Variants in TNPO2 observed in about 807,000 individuals in gnomAD.
TNPO2 encodes the protein transportin-2.
Under a neutral mutation model 111.1 loss-of-function variants are expected in TNPO2, and 16 were observed. The observed-to-expected ratio is 0.14, with a 90% CI of 0.10 to 0.22. The LOEUF (loss-of-function observed/expected upper bound fraction) is 0.22, where lower values mean the gene tolerates loss of function less well. Among genes scored for constraint, TNPO2 ranks in the 10% least tolerant of loss-of-function variants. The pLI, the probability that TNPO2 is intolerant of heterozygous loss-of-function variation, is 1.00. For missense variants in TNPO2, 530 were observed against 1,173.7 expected (o/e 0.45, Z 8.01); for synonymous variants, 481 against 475.8 (o/e 1.01, Z -0.14).
chr19:12,722,594 GAAAA>G (rs963967398), intron 2 of TNPO2: 3 of 117,404 alleles, frequency 2.6e-5, no homozygotes, highest in African/African-American at 9.4e-5. Flanking sequence ...AAGAAAGAAA[GAAAA>G]AAAAAAAAGA....
At position 12,706,703 on chromosome 19, in the gene TNPO2, C is replaced by T. The variant is rs1158223192; in HGVS notation, c.1363G>A (p.Ala455Thr). The T allele has an allele frequency of 5.6e-6, 9 of 1,613,686 alleles. No homozygotes were observed. The highest frequency in any genetic ancestry group is 7.6e-6 in the Non-Finnish European group (9 of 1,179,848). Residue 455 changes from alanine (A) to threonine (T), a missense_variant, in exon 14 of 26, where the codon GCC (alanine) becomes ACC (threonine). Ala to Thr is a moderately conservative substitution (Grantham distance 58, BLOSUM62 0). This residue lies in a region of TNPO2 where 183 missense variants were observed against 481.0 expected (regional missense o/e 0.38). Transcript: ENST00000425528. The surrounding 1 kb of genome is among the most constrained non-coding windows in gnomAD (Gnocchi z 7.0). ...GCATAGCGGCTCAGCGTCCAGCAGG[C>T]GATGGAGCGGACCAAGGCCTTCTTA... The part of the protein sequence containing the change: ...SDKKALVRSI[A>T]CWTLSRYAHW...
In TNPO2 at chr19:12,715,440, G is replaced by A; in HGVS notation, c.531C>T (p.Phe177=). The A allele has an allele frequency of 6.2e-7, 1 of 1,613,904 alleles. No homozygotes were observed. Among genetic ancestry groups the A allele is most frequent in the Non-Finnish European group, 8.5e-7 (1 of 1,179,864 alleles). The change falls in exon 7 of 26, where the codon TTC becomes TTT. Residue 177 remains phenylalanine, a synonymous_variant. Coordinates refer to ENST00000425528, the MANE Select transcript of TNPO2 (RefSeq NM_001382241.1). This position sits in a 1 kb window ranked among gnomAD's most constrained non-coding sequence, Gnocchi z 7.1. ...NRPLNIMIPK[F]LQFFKHCSPK... is the part of the protein sequence containing the mutation. ...GACTGCAGTGCTTGAAGAACTGCAG[G>A]AACTTGGGGATCATGATGTTGAGGG...
At chr19:12,708,163 C>T (rs1214941850) in intron 13 of TNPO2, among the ~76,000 whole-genome samples, 1 of 151,558 alleles carries the variant, frequency 6.6e-6, no homozygotes, top group African/African-American at 2.4e-5. Context: ...GACAGAGTCT[C>T]GCTCTGTCCC....
At chr19:12,722,758 C>T (rs550345841) in intron 2 of TNPO2, among the ~76,000 whole-genome samples, 1 of 152,004 alleles carries the variant, frequency 6.6e-6, no homozygotes, top group African/African-American at 2.4e-5. Flanking sequence ...CAAAGAGTTG[C>T]CGTTTCTTTG....
intron 13 of TNPO2, among the ~76,000 whole-genome samples, chr19:12,708,080 C>T (rs2025807715): frequency 1.3e-5 from 2 of 152,220 alleles, no homozygotes; most frequent in Admixed American, 6.5e-5. Flanking sequence ...CCTCGGCCTC[C>T]CAAAGTGCTG....
chr19:12,720,801 C>G, intron 3 of TNPO2, 78 bp downstream of exon 3: 88 of 1,461,782 alleles, frequency 6.0e-5, no homozygotes, highest in Non-Finnish European at 7.2e-5. Context: ...GGAGTCAGTC[C>G]CTCTCTTTCT....
intron 3 of TNPO2, among the ~76,000 whole-genome samples, chr19:12,720,522 T>C (rs1033236196): frequency 1.3e-5 from 2 of 152,104 alleles, no homozygotes; most frequent in Non-Finnish European, 2.9e-5. Flanking sequence ...GGTCTCCCTA[T>C]GTTGCCCAGG....
At chr19:12,708,950 G>T (rs1432329786) in intron 13 of TNPO2, among the ~76,000 whole-genome samples, 1 of 150,646 alleles carries the variant, frequency 6.6e-6, no homozygotes, top group African/African-American at 2.4e-5. Flanking sequence ...CAGGAGAATT[G>T]CTTGAACCCG....
At position 12,701,694 on chromosome 19, in the gene TNPO2, G is replaced by A. The variant is rs1161851165; in HGVS notation, c.2512-22C>T. The A allele has an allele frequency of 3.7e-6, 6 of 1,613,724 alleles. No homozygotes were observed. The highest frequency in any genetic ancestry group is 1.7e-5 in the Admixed American group (1 of 60,018). ...AGTCCTGAAACGTGACGGATCCCAG[G>A]TGAGGGGCCGCCCGAGCCCAGCGCC... On this transcript the variant is annotated intron_variant, in intron 23 of 25. Transcript: ENST00000425528. This position sits in a 1 kb window ranked among gnomAD's most constrained non-coding sequence, Gnocchi z 5.0.
chr19:12,705,838 C>T lies in TNPO2; in HGVS notation c.1669-70G>A. 1 of 1,175,594 alleles carries T rather than the reference C, an allele frequency of 8.5e-7. No homozygotes were observed. The allele number at this position is 1,175,594 out of a possible 1,614,324, so 72.8% of individuals were successfully genotyped here. The stretch of plus-strand genomic sequence containing the variant: ...AGACTGTGACTCAGGTACCTGTTGC[C>T]CGAGTGATGAGGCCTGAGCGCCTCA... On this transcript the variant is annotated intron_variant, in intron 15 of 25. Coordinates refer to ENST00000425528, the MANE Select transcript of TNPO2 (RefSeq NM_001382241.1). The surrounding 1 kb of genome is among the most constrained non-coding windows in gnomAD (Gnocchi z 7.2).
chr19:12,707,029 C>T (rs1331118789), intron 13 of TNPO2, among the ~76,000 whole-genome samples: 5 of 152,156 alleles, frequency 3.3e-5, no homozygotes, highest in East Asian at 3.9e-4. Flanking sequence ...GGCAGAGTCT[C>T]GCTCTGTCGC....
intron 18 of TNPO2, among the ~76,000 whole-genome samples, chr19:12,704,871 C>T (rs895679631): frequency 1.3e-5 from 2 of 152,120 alleles, no homozygotes; most frequent in Middle Eastern, 3.4e-3. Context: ...TTCGTAGAGA[C>T]AGGATTTCAC....
Position 12,705,518 on chromosome 19 carries a change from C to G in TNPO2, c.1837G>C (p.Val613Leu). The change falls in exon 17 of 26, where the codon GTG becomes CTG. Residue 613 changes from valine to leucine, a missense_variant. By Grantham distance (32) the Val-to-Leu change is conservative (BLOSUM62 1). Coordinates refer to ENST00000425528, the MANE Select transcript of TNPO2 (RefSeq NM_001382241.1). The surrounding 1 kb of genome is among the most constrained non-coding windows in gnomAD (Gnocchi z 7.2). Reference protein sequence around the residue: ...EPVYQRCVTLVQKTLAQAMMY... With the variant: ...EPVYQRCVTLLQKTLAQAMMY... ...ATGGCCTGAGCCAGTGTCTTCTGCACCAGGGTGACACAGCGCTGGTAGACG... is the reference window on the plus strand; with the variant it reads ...ATGGCCTGAGCCAGTGTCTTCTGCAGCAGGGTGACACAGCGCTGGTAGACG... 6.2e-7 allele frequency: 1 copy of G among 1,602,354 alleles called. No individual in the cohort carries two copies. Among genetic ancestry groups the G allele is most frequent in the Non-Finnish European group, 8.5e-7 (1 of 1,175,138 alleles).
At chr19:12,703,107 C>T in intron 20 of TNPO2, 189 bp from the exon 21 acceptor site, 1 of 605,558 alleles carries the variant, frequency 1.7e-6, no homozygotes, top group South Asian at 2.1e-5. Flanking sequence ...GACAGACCCA[C>T]ACCCTCCAAA....
chr19:12,701,562 T>A lies in TNPO2; in HGVS notation c.2586+36A>T. The A allele has an allele frequency of 1.2e-6, 2 of 1,610,896 alleles. No individual in the cohort carries two copies. Among genetic ancestry groups the A allele is most frequent in the Non-Finnish European group, 1.7e-6 (2 of 1,177,344 alleles). Reference sequence around the variant, plus strand: ...ACCAGATGGTCTCACCCCTGCCTGCTCCCGGAACTAGATCAGGGCCCAGAC... The same window carrying A: ...ACCAGATGGTCTCACCCCTGCCTGCACCCGGAACTAGATCAGGGCCCAGAC... On this transcript the variant is annotated intron_variant, in intron 24 of 25. Transcript: ENST00000425528. This position sits in a 1 kb window ranked among gnomAD's most constrained non-coding sequence, Gnocchi z 5.0.
chr19:12,720,792 G>C, intron 3 of TNPO2, 87 bp downstream of exon 3: 1 of 1,465,752 alleles, frequency 6.8e-7, no homozygotes. Flanking sequence ...GGGACTAGGG[G>C]AGTCAGTCCC....
rs747288678 is a variant in TNPO2, at chr19:12,711,540, G to A, written c.951+13C>T. 4 of 1,613,862 alleles carry A rather than the reference G, an allele frequency of 2.5e-6. No individual in the cohort carries two copies. The South Asian group carries it at 4.4e-5, about 18-fold the overall frequency. On this transcript the variant is annotated intron_variant, in intron 11 of 25. Transcript: ENST00000425528. ...CGCCCATGCCCACCCATGCTGGGTG[G>A]GCCCTGCCTGACCTTGAGCAGGATG...
At position 12,703,495 on chromosome 19, in the gene TNPO2, C is replaced by T. The variant is rs1205048812; in HGVS notation, c.2142G>A (p.Leu714=). ...TGCAGACGGAGATGAACTCTGGGTT[C>T]AGGTTGGTGCCCAGAATGGGCATGA... is the stretch of plus-strand genomic sequence containing the variant. ...AEFMPILGTN[L]NPEFISVCNN... Residue 714 remains leucine, a synonymous_variant, in exon 20 of 26, where the codon CTG becomes CTA. Coordinates refer to ENST00000425528, the MANE Select transcript of TNPO2 (RefSeq NM_001382241.1). 1 of 1,614,016 alleles carries T rather than the reference C, an allele frequency of 6.2e-7. No individual in the cohort carries two copies. Among genetic ancestry groups the T allele is most frequent in the South Asian group, 1.1e-5 (1 of 91,076 alleles).
At chr19:12,703,319 C>A (rs1449223489) in intron 20 of TNPO2, 109 bp downstream of exon 20, 1 of 989,964 alleles carries the variant, frequency 1.0e-6, no homozygotes, top group East Asian at 2.4e-5. Context: ...CCCCTGACGA[C>A]CCCCAAGAGA....
Sources: allele counts gnomAD v4.1 joint callset (sites outside exome capture counted in the v4.1 genomes callset), GRCh38; gene constraint gnomAD v4.1.1; regional missense constraint gnomAD v4.1.1; non-coding constraint Gnocchi (gnomAD v3.1); transcripts MANE v1.5; gene names NCBI Gene and HGNC (gene_info 2026-07-23, HGNC 2026-07-21).